Variants in CDH6 observed in about 807,000 individuals in gnomAD.
CDH6 encodes cadherin 6.
A neutral mutation model predicts 78.0 loss-of-function variants in CDH6; 31 were observed. The observed-to-expected ratio is 0.40, with a 90% confidence interval of 0.30 to 0.54. The LOEUF (loss-of-function observed/expected upper bound fraction) is 0.54. Ranked by LOEUF, CDH6 falls within the 20% of genes least tolerant of loss-of-function variation. CDH6 has a pLI of 0.56. For missense variants in CDH6, 724 were observed against 975.9 expected (o/e 0.74, Z 3.44); for synonymous variants, 376 against 368.8 (o/e 1.02, Z -0.23).
At chr5:31,234,397 G>A (rs1167138965) in intron 1 of CDH6, among the ~76,000 whole-genome samples, 2 of 152,168 alleles carry the variant, frequency 1.3e-5, no homozygotes, top group Non-Finnish European at 2.9e-5. Context: ...TGGAGTGTAT[G>A]TCTGCTAATT....
Position 31,322,914 on chromosome 5 carries a change from A to ACT in CDH6, c.1980_1981insTC (p.Asp661SerfsTer18). The stretch of plus-strand genomic sequence containing the variant: ...ATCAGAGATAACATTGTCAGTTACA[A>ACT]CGACGAAGGTGGTGGAGAGGAGGAC... On this transcript the variant is annotated frameshift_variant, in exon 12 of 12. Coordinates refer to ENST00000265071, the MANE Select transcript of CDH6 (RefSeq NM_004932.4). LOFTEE classifies it high-confidence loss of function. 1 of 1,614,146 alleles carries ACT rather than the reference A, an allele frequency of 6.2e-7. No individual in the cohort carries two copies. The highest frequency in any genetic ancestry group is 8.5e-7 in the Non-Finnish European group (1 of 1,180,020).
At chr5:31,280,373 T>C (rs1299320002) in intron 2 of CDH6, among the ~76,000 whole-genome samples, 2 of 152,138 alleles carry the variant, frequency 1.3e-5, no homozygotes, top group Non-Finnish European at 2.9e-5. Flanking sequence ...CACTCTCTAG[T>C]TGAACTTTCT....
Position 31,324,315 on chromosome 5 carries a change from T to A in CDH6, c.*1007T>A. The stretch of plus-strand genomic sequence containing the variant: ...ATCCTTCTTACACGACTAAGTTGAA[T>A]TAGTAAAGTTAGATTAAATAAAACT... On this transcript the variant is annotated 3_prime_UTR_variant, in exon 12 of 12. Transcript: ENST00000265071. 4.7e-6 allele frequency: 1 copy of A among 212,404 alleles called. No homozygotes were observed. Among genetic ancestry groups the A allele is most frequent in the Non-Finnish European group, 9.5e-6 (1 of 105,058 alleles). The allele number at this position is 212,404 out of a possible 1,614,324, so 13.2% of individuals were successfully genotyped here. A position where few individuals can be genotyped will look rare whatever the true frequency, so the allele number is the denominator to read the frequency against.
At chr5:31,304,610 G>A (rs376275861) in intron 6 of CDH6, among the ~76,000 whole-genome samples, 10 of 151,454 alleles carry the variant, frequency 6.6e-5, no homozygotes, top group South Asian at 2.1e-4. Flanking sequence ...ACTTGAATCC[G>A]GGAGGCAGTG....
In CDH6 at chr5:31,313,340, G is replaced by T; in HGVS notation, c.1276G>T (p.Asp426Tyr). The part of the protein sequence containing the change: ...PVKYSVDRHT[D>Y]MDRIFNIDSG... ...CAGGTACTCTGTAGATCGACACACAGATATGGACAGAATATTCAACATTGA... is the reference window on the plus strand; with the variant it reads ...CAGGTACTCTGTAGATCGACACACATATATGGACAGAATATTCAACATTGA... Residue 426 changes from aspartate to tyrosine, a missense_variant, in exon 8 of 12, where the codon GAT (aspartate) becomes TAT (tyrosine). Around this residue, in one of 3 missense-constraint regions of CDH6, gnomAD observed 446 missense variants for 684.5 expected, o/e 0.65. Transcript: ENST00000265071. The T allele has an allele frequency of 6.2e-7, 1 of 1,613,712 alleles. No homozygotes were observed. Among genetic ancestry groups the T allele is most frequent in the South Asian group, 1.1e-5 (1 of 91,064 alleles).
At chr5:31,235,938 T>C (rs547898612) in intron 1 of CDH6, among the ~76,000 whole-genome samples, 3 of 152,356 alleles carry the variant, frequency 2.0e-5, no homozygotes, top group African/African-American at 7.2e-5. Context: ...ACCATATTTG[T>C]ATTAATTTAT....
intron 2 of CDH6, 134 bp from the exon 3 acceptor site, chr5:31,293,828 A>AG (rs1484998918): frequency 5.4e-5 from 29 of 532,682 alleles, no homozygotes; most frequent in Non-Finnish European, 3.2e-6. Flanking sequence ...TTACGTAAAT[A>AG]GTAAAAAAAA....
intron 3 of CDH6, among the ~76,000 whole-genome samples, chr5:31,295,837 A>T (rs1208887322): frequency 6.6e-6 from 1 of 152,210 alleles, no homozygotes; most frequent in African/African-American, 2.4e-5. Flanking sequence ...TGAGGATTAG[A>T]TGATAAAACA....
chr5:31,260,618 C>T (rs754328329), intron 1 of CDH6, among the ~76,000 whole-genome samples: 1 of 152,158 alleles, frequency 6.6e-6, no homozygotes, highest in African/African-American at 2.4e-5. Context: ...CTGTTAAAAT[C>T]GCTTCATCTG....
chr5:31,252,764 GT>G (rs71636867), intron 1 of CDH6, among the ~76,000 whole-genome samples: 23 of 146,888 alleles, frequency 1.6e-4, no homozygotes, highest in South Asian at 6.5e-4. Context: ...AGAGCTTTTT[GT>G]TTTTTTTTTA....
chr5:31,284,062 AC>A (rs1222108546), intron 2 of CDH6, among the ~76,000 whole-genome samples: 2 of 152,012 alleles, frequency 1.3e-5, no homozygotes, highest in Non-Finnish European at 2.9e-5. Flanking sequence ...CAGTTCACCC[AC>A]GTTGTCCTCC....
chr5:31,318,068 T>C (rs1389800014), intron 11 of CDH6, 144 bp downstream of exon 11: 1 of 999,484 alleles, frequency 1.0e-6, no homozygotes, highest in East Asian at 2.4e-5. Flanking sequence ...ATCTGTGCTG[T>C]ACGATGTGAA....
rs1737526460 is a variant in CDH6, at chr5:31,294,524, C to T, written c.523+268C>T. Among the ~76,000 whole-genome samples, 1 of 147,458 alleles carries T rather than the reference C, an allele frequency of 6.8e-6. No individual in the cohort carries two copies. The highest frequency in any genetic ancestry group is 2.5e-5 in the African/African-American group (1 of 39,934). The stretch of plus-strand genomic sequence containing the variant: ...TTGAAAGAGAGACCATCTCCTTTCT[C>T]TCCCACCCTAAATGCCCATTCTCTT... On this transcript the variant is annotated intron_variant, in intron 3 of 11. Coordinates refer to ENST00000265071, the MANE Select transcript of CDH6 (RefSeq NM_004932.4). The surrounding 1 kb of genome is among the most constrained non-coding windows in gnomAD (Gnocchi z 4.1).
intron 1 of CDH6, among the ~76,000 whole-genome samples, chr5:31,200,241 T>C (rs1056456109): frequency 6.6e-6 from 1 of 152,164 alleles, no homozygotes; most frequent in Admixed American, 6.5e-5. Flanking sequence ...ATAAATTATC[T>C]TATCCTGCCT....
chr5:31,247,630 T>G (rs924608922), intron 1 of CDH6, among the ~76,000 whole-genome samples: 6 of 152,252 alleles, frequency 3.9e-5, no homozygotes, highest in African/African-American at 1.4e-4. Context: ...GGAAGTGTTG[T>G]GCATGCAGAC....
At chr5:31,302,937 A>AAGAAAGAAAGAAAGAAAGAG (rs1737854606) in intron 6 of CDH6, among the ~76,000 whole-genome samples, 4 of 130,758 alleles carry the variant, frequency 3.1e-5, no homozygotes, top group African/African-American at 1.0e-4. Context: ...GAAAGAAAGA[A>AAGAAAGAAAGAAAGAAAGAG]AGAAAGAAAG....
intron 1 of CDH6, among the ~76,000 whole-genome samples, chr5:31,242,877 A>G (rs1042340100): frequency 6.6e-6 from 1 of 151,820 alleles, no homozygotes; most frequent in Non-Finnish European, 1.5e-5. Context: ...AAAAAAAGGT[A>G]AAATGAGCCA....
chr5:31,275,126 TAAGAA>T (rs1159501512), intron 2 of CDH6, among the ~76,000 whole-genome samples: 1 of 152,230 alleles, frequency 6.6e-6, no homozygotes, highest in African/African-American at 2.4e-5. Flanking sequence ...TAGTAGCAGA[TAAGAA>T]TATAAATAAG....
chr5:31,298,932 T>G (rs1409693205), intron 4 of CDH6, among the ~76,000 whole-genome samples: 1 of 152,132 alleles, frequency 6.6e-6, no homozygotes, highest in African/African-American at 2.4e-5. Context: ...AAGACCATAG[T>G]TTTACAATTT....
Sources: allele counts gnomAD v4.1 joint callset (sites outside exome capture counted in the v4.1 genomes callset), GRCh38; gene constraint gnomAD v4.1.1; regional missense constraint gnomAD v4.1.1; non-coding constraint Gnocchi (gnomAD v3.1); transcripts MANE v1.5; gene names NCBI Gene and HGNC (gene_info 2026-07-23, HGNC 2026-07-21).